NOL11: variants seen among roughly 807,000 people sequenced by gnomAD.
NOL11 encodes the protein nucleolar protein 11.
NOL11 carries 42 observed loss-of-function variants against 93.0 expected under a neutral mutation model. The observed-to-expected ratio is 0.45, with a 90% CI of 0.35 to 0.58. NOL11 has a LOEUF of 0.58. Ranked by LOEUF, NOL11 falls within the 20% of genes least tolerant of loss-of-function variation. NOL11 has a pLI of 0.00. For missense variants in NOL11, 775 were observed against 841.8 expected (o/e 0.92, Z 0.98); for synonymous variants, 296 against 293.7 (o/e 1.01, Z -0.08).
At chr17:67,722,744 G>T (rs1185175852) in intron 5 of NOL11, 107 bp downstream of exon 5, 7 of 1,385,088 alleles carry the variant, frequency 5.1e-6, no homozygotes, top group Non-Finnish European at 6.6e-6. Context: ...GAGAGCAGTG[G>T]TGCCACGATG....
At chr17:67,736,880 C>T (rs980188617) in intron 10 of NOL11, 126 bp downstream of exon 10, 18 of 775,934 alleles carry the variant, frequency 2.3e-5, no homozygotes, top group African/African-American at 7.0e-5. Flanking sequence ...GGACAGTTTG[C>T]GGCTTGAACC....
chr17:67,723,252 TC>T (rs2043232344), intron 5 of NOL11, among the ~76,000 whole-genome samples: 1 of 151,804 alleles, frequency 6.6e-6, no homozygotes, highest in African/African-American at 2.4e-5. Context: ...CCTCAGGTGA[TC>T]CACCCACCTC....
At position 67,726,499 on chromosome 17, in the gene NOL11, G is replaced by C. The variant is rs748756964; in HGVS notation, c.704G>C (p.Arg235Pro). 2.0e-5 allele frequency: 33 copies of C among 1,613,806 alleles called. No individual in the cohort carries two copies. In the East Asian group the frequency reaches 6.5e-4, roughly 32 times the overall value. ...ATATATGAAACCTTGATACCAATAC[G>C]TCCAGCTGACCCAGAAAAAAATCAG... is the stretch of plus-strand genomic sequence containing the variant. ...GCIYETLIPI[R>P]PADPEKNQSL... Residue 235 changes from arginine (R) to proline (P), a missense_variant, in exon 7 of 18, where the codon CGT (arginine) becomes CCT (proline). By Grantham distance (103) the Arg-to-Pro change is moderately radical (BLOSUM62 -2). This residue lies in a region of NOL11 where 359 missense variants were observed against 316.5 expected (regional missense o/e 1.13). Transcript: ENST00000253247.
At chr17:67,720,072 G>A in intron 3 of NOL11, 110 bp downstream of exon 3, 2 of 1,010,276 alleles carry the variant, frequency 2.0e-6, no homozygotes, top group Non-Finnish European at 2.7e-6. Flanking sequence ...ATAAGCATAA[G>A]GTCCTAATCA....
At chr17:67,732,288 C>T (rs2055160840) in intron 7 of NOL11, among the ~76,000 whole-genome samples, 1 of 152,002 alleles carries the variant, frequency 6.6e-6, no homozygotes, top group Admixed American at 6.6e-5. Flanking sequence ...TTGAGACCAG[C>T]CTGACCAACA....
chr17:67,726,162 G>A (rs1222319416), intron 6 of NOL11, among the ~76,000 whole-genome samples: 2 of 152,162 alleles, frequency 1.3e-5, no homozygotes, highest in African/African-American at 4.8e-5. Flanking sequence ...TATCCTTTTA[G>A]GGACTAGATG....
chr17:67,736,070 A>C, intron 9 of NOL11, 47 bp downstream of exon 9: 12 of 1,532,162 alleles, frequency 7.8e-6, no homozygotes, highest in Non-Finnish European at 1.1e-5. Flanking sequence ...CCGTTTTATT[A>C]ACTTGTAGTT....
intron 4 of NOL11, 90 bp downstream of exon 4, chr17:67,721,616 A>G (rs2043218198): frequency 1.9e-6 from 2 of 1,050,550 alleles, no homozygotes; most frequent in Admixed American, 2.2e-5. Flanking sequence ...GGTTATAAAC[A>G]TAATGAAAGT....
chr17:67,738,332 G>A lies in NOL11; in HGVS notation c.1740G>A (p.Val580=). 1 of 1,611,334 alleles carries A rather than the reference G, an allele frequency of 6.2e-7. No individual in the cohort carries two copies. The highest frequency in any genetic ancestry group is 2.2e-5 in the East Asian group (1 of 44,858). ...CAAAGGAGAGCACTTCATGCCCTGT[G>A]GTACAAAAAAGAGCAGCTCTACTGT... The part of the protein sequence containing the change: ...DETKESTSCP[V]VQKRAALLNA... Residue 580 remains valine (V), a synonymous_variant, in exon 14 of 18, where the codon GTG becomes GTA. Transcript: ENST00000253247.
chr17:67,735,877 G>C, intron 8 of NOL11, 23 bp from the exon 9 acceptor site: 3 of 1,597,972 alleles, frequency 1.9e-6, no homozygotes, highest in Non-Finnish European at 2.6e-6. Context: ...ATTTGCTTAT[G>C]TTTTTGATAA....
At chr17:67,728,450 G>C (rs935029223) in intron 7 of NOL11, among the ~76,000 whole-genome samples, 4 of 152,056 alleles carry the variant, frequency 2.6e-5, no homozygotes, top group Non-Finnish European at 5.9e-5. Flanking sequence ...ACCCGAACAG[G>C]TGAACTCTGT....
intron 4 of NOL11, among the ~76,000 whole-genome samples, chr17:67,721,868 A>G (rs1357389875): frequency 6.6e-6 from 1 of 152,230 alleles, no homozygotes; most frequent in Non-Finnish European, 1.5e-5. Flanking sequence ...TAGTGAAATC[A>G]TGATGCATTA....
rs551961623 is a variant in NOL11 at position 67,720,184 on chromosome 17, T to C, written c.312+222T>C. Reference sequence around the variant, plus strand: ...TTGATGAATGAGAAATTTATACTTATTTCCATGAGTTTGGATGTTTGGAGT... The same window carrying C: ...TTGATGAATGAGAAATTTATACTTACTTCCATGAGTTTGGATGTTTGGAGT... On this transcript the variant is annotated intron_variant, in intron 3 of 17. Coordinates refer to ENST00000253247, the MANE Select transcript of NOL11 (RefSeq NM_015462.5). Among the ~76,000 whole-genome samples, 265 of 152,316 alleles carry C rather than the reference T, an allele frequency of 1.7e-3. 1 individual carries two copies. Among genetic ancestry groups the C allele is most frequent in the African/African-American group, 6.1e-3 (255 of 41,568 alleles).
At position 67,743,961 on chromosome 17, in the gene NOL11, C is replaced by G; in HGVS notation, c.*102C>G. The G allele has an allele frequency of 1.6e-6, 1 of 632,014 alleles. No individual in the cohort carries two copies. Among genetic ancestry groups the G allele is most frequent in the Non-Finnish European group, 2.7e-6 (1 of 364,996 alleles). The allele number at this position is 632,014 out of a possible 1,614,324, so 39.2% of individuals were successfully genotyped here. A position where few individuals can be genotyped will look rare whatever the true frequency, so the allele number is the denominator to read the frequency against. Reference sequence around the variant, plus strand: ...GTTTTGTTTGCGACCATCTCAGTGTCAAGAGAAACGTGTCAGTGAGTACCT... The same window carrying G: ...GTTTTGTTTGCGACCATCTCAGTGTGAAGAGAAACGTGTCAGTGAGTACCT... On this transcript the variant is annotated 3_prime_UTR_variant, in exon 18 of 18. Transcript: ENST00000253247.
Position 67,722,570 on chromosome 17 carries a change from T to A in NOL11, c.462-10T>A. 6.4e-7 allele frequency: 1 copy of A among 1,567,576 alleles called. No homozygotes were observed. The highest frequency in any genetic ancestry group is 8.6e-7 in the Non-Finnish European group (1 of 1,166,390). ...GCATCCTATAATTTTTCTTTTTTCT[T>A]TTTTTGTAGATGGACAAAGTTTTTC... is the stretch of plus-strand genomic sequence containing the variant. On this transcript the variant is annotated splice_polypyrimidine_tract_variant and intron_variant, in intron 4 of 17. Transcript: ENST00000253247.
At position 67,737,554 on chromosome 17, in the gene NOL11, C is replaced by T; in HGVS notation, c.1265C>T (p.Ala422Val). ...GAAGTAGAAGTACGGAAATTTTTGG[C>T]TCTGAAGCAGACACCTGACTTTCAT... ...HIEVEVRKFLALKQTPDFHTV... is the reference protein window; with the variant it reads ...HIEVEVRKFLVLKQTPDFHTV... The change falls in exon 12 of 18, where the codon GCT becomes GTT. Residue 422 changes from alanine to valine, a missense_variant. Physicochemically the swap from Ala to Val is moderately conservative, Grantham distance 64. Around this residue, in one of 2 missense-constraint regions of NOL11, gnomAD observed 416 missense variants for 525.2 expected, o/e 0.79. Transcript: ENST00000253247. 1 of 1,610,736 alleles carries T rather than the reference C, an allele frequency of 6.2e-7. No individual in the cohort carries two copies. The highest frequency in any genetic ancestry group is 8.5e-7 in the Non-Finnish European group (1 of 1,179,156).
At chr17:67,736,636 C>T (rs769590166) in intron 9 of NOL11, 30 bp from the exon 10 acceptor site, 6 of 1,420,662 alleles carry the variant, frequency 4.2e-6, no homozygotes, top group Middle Eastern at 1.8e-4. Context: ...TCAAAACATT[C>T]CAGAAATTGT....
In NOL11 at chr17:67,723,735, C is replaced by T. The variant is rs118176568; in HGVS notation, c.520-314C>T. 6.8e-3 allele frequency among the ~76,000 whole-genome samples: 985 copies of T among 145,924 alleles called. 9 individuals are homozygous for T. Among genetic ancestry groups the T allele is most frequent in the Non-Finnish European group, 8.4e-3 (556 of 65,846 alleles). On this transcript the variant is annotated intron_variant, in intron 5 of 17. Coordinates refer to ENST00000253247, the MANE Select transcript of NOL11 (RefSeq NM_015462.5). Reference sequence around the variant, plus strand: ...AATTTAAGGCTGGGTGTGGTGACCTCATCTCTATTAAAAAAAAAAAAATAG... The same window carrying T: ...AATTTAAGGCTGGGTGTGGTGACCTTATCTCTATTAAAAAAAAAAAAATAG...
chr17:67,736,712 A>T lies in NOL11; in HGVS notation c.1101A>T (p.Gly367=). 1 of 1,613,658 alleles carries T rather than the reference A, an allele frequency of 6.2e-7. No individual in the cohort carries two copies. The highest frequency in any genetic ancestry group is 8.5e-7 in the Non-Finnish European group (1 of 1,179,774). Residue 367 remains glycine (G), a synonymous_variant, in exon 10 of 18, where the codon GGA becomes GGT. Coordinates refer to ENST00000253247, the MANE Select transcript of NOL11 (RefSeq NM_015462.5). ...TTGTAAACTGGGAGACACCTCAAGGATGTGGACTTGGGTTCCAGAACTCAG... is the reference window on the plus strand; with the variant it reads ...TTGTAAACTGGGAGACACCTCAAGGTTGTGGACTTGGGTTCCAGAACTCAG... ...SHFVNWETPQ[G]CGLGFQNSEQ...
Sources: gnomAD v4.1 joint callset for allele counts (sites outside exome capture counted in the v4.1 genomes callset) on GRCh38, gnomAD v4.1.1 for gene constraint, gnomAD v4.1.1 regional missense constraint, MANE v1.5 for transcripts, NCBI Gene and HGNC (gene_info 2026-07-23, HGNC 2026-07-21) for gene names.